CNTNAP5: variants seen among roughly 807,000 people sequenced by gnomAD.
CNTNAP5 encodes the protein contactin associated protein family member 5.
CNTNAP5 carries 72 observed loss-of-function variants against 150.2 expected under a neutral mutation model. The observed-to-expected ratio is 0.48, with a 90% CI of 0.40 to 0.58. The LOEUF (loss-of-function observed/expected upper bound fraction) is 0.58. Ranked by LOEUF, CNTNAP5 falls within the 20% of genes least tolerant of loss-of-function variation. The pLI, the probability that CNTNAP5 is intolerant of heterozygous loss-of-function variation, is 0.00. For missense variants in CNTNAP5, 1,636 were observed against 1,626.2 expected, an observed-to-expected ratio of 1.01 and a Z score of -0.10; for synonymous variants, 672 against 619.8, an observed-to-expected ratio of 1.08 and a Z score of -1.25.
chr2:124,686,634 G>A (rs1679198764), intron 13 of CNTNAP5, among the ~76,000 whole-genome samples: 1 of 152,110 alleles, frequency 6.6e-6, no homozygotes, highest in South Asian at 2.1e-4. Flanking sequence ...CCATCTGACT[G>A]CAGAAGTTTG....
intron 11 of CNTNAP5, among the ~76,000 whole-genome samples, chr2:124,573,601 C>T (rs1011319892): frequency 4.6e-5 from 7 of 152,030 alleles, no homozygotes; most frequent in Non-Finnish European, 8.8e-5. Context: ...CTTTGAATAC[C>T]AAGCAAGAAA....
At chr2:124,212,084 T>C (rs1230707213) in intron 1 of CNTNAP5, among the ~76,000 whole-genome samples, 1 of 152,228 alleles carries the variant, frequency 6.6e-6, no homozygotes, top group African/African-American at 2.4e-5. Context: ...TCTTTACAAA[T>C]TCTTTAGTTG....
At chr2:124,563,161 C>A in intron 10 of CNTNAP5, 56 bp from the exon 11 acceptor site, 1 of 1,201,818 alleles carries the variant, frequency 8.3e-7, no homozygotes, top group Non-Finnish European at 1.2e-6. Context: ...TTTGCTTTCC[C>A]CTTTCTGCCA....
At chr2:124,052,927 T>C (rs559962622) in intron 1 of CNTNAP5, among the ~76,000 whole-genome samples, 1 of 152,260 alleles carries the variant, frequency 6.6e-6, no homozygotes, top group South Asian at 2.1e-4. Flanking sequence ...TATCAACCCC[T>C]CCTTGCCTGG....
intron 13 of CNTNAP5, among the ~76,000 whole-genome samples, chr2:124,671,672 C>T (rs1438283598): frequency 6.6e-6 from 1 of 152,126 alleles, no homozygotes; most frequent in Non-Finnish European, 1.5e-5. Context: ...TGGGGTCTCA[C>T]TCTGTTGCCC....
At chr2:124,768,276 T>A (rs1681110748) in intron 16 of CNTNAP5, among the ~76,000 whole-genome samples, 1 of 28,272 alleles carries the variant, frequency 3.5e-5, no homozygotes, top group South Asian at 3.5e-3. Flanking sequence ...TATGTATGTG[T>A]GTGTGTGTGT....
chr2:124,093,262 C>T (rs572078169), intron 1 of CNTNAP5, among the ~76,000 whole-genome samples: 47 of 152,286 alleles, frequency 3.1e-4, no homozygotes, highest in African/African-American at 1.0e-3. Flanking sequence ...CTTTTCTTAT[C>T]CTCCATGTCC....
At chr2:124,367,307 C>A (rs1690401071) in intron 3 of CNTNAP5, among the ~76,000 whole-genome samples, 1 of 152,112 alleles carries the variant, frequency 6.6e-6, no homozygotes, top group African/African-American at 2.4e-5. Flanking sequence ...GTTTAATTGA[C>A]TCAAAGTTCT....
intron 7 of CNTNAP5, among the ~76,000 whole-genome samples, chr2:124,487,052 A>G (rs1573407168): frequency 6.6e-6 from 1 of 152,250 alleles, no homozygotes; most frequent in East Asian, 1.9e-4. Context: ...CGTTTGTCTA[A>G]TACCTTAGTT....
At chr2:124,745,106 C>G (rs1026939577) in intron 13 of CNTNAP5, among the ~76,000 whole-genome samples, 1 of 152,120 alleles carries the variant, frequency 6.6e-6, no homozygotes, top group African/African-American at 2.4e-5. Context: ...AAGAGTTGGG[C>G]TGCTAATGGA....
At chr2:124,647,696 A>T in intron 12 of CNTNAP5, 62 bp from the exon 13 acceptor site, 1 of 1,476,026 alleles carries the variant, frequency 6.8e-7, no homozygotes, top group Non-Finnish European at 9.1e-7. Flanking sequence ...CACACTGCTC[A>T]CATGCTCCAT....
intron 1 of CNTNAP5, among the ~76,000 whole-genome samples, chr2:124,059,424 T>C (rs1034115750): frequency 3.3e-5 from 5 of 152,172 alleles, no homozygotes; most frequent in Non-Finnish European, 7.3e-5. Context: ...GAAAACTAAA[T>C]GCTGAATGGG....
At chr2:124,792,471 C>T (rs943970234) in intron 18 of CNTNAP5, among the ~76,000 whole-genome samples, 5 of 152,110 alleles carry the variant, frequency 3.3e-5, no homozygotes, top group African/African-American at 1.2e-4. Flanking sequence ...AGGATTCCAT[C>T]GTTTCAAATA....
In CNTNAP5 at chr2:124,772,900, C is replaced by T. The variant is rs773503987; in HGVS notation, c.2635C>T (p.Arg879Trp). The change falls in exon 17 of 24, where the codon CGG becomes TGG. Residue 879 changes from arginine to tryptophan, a missense_variant. Coordinates refer to ENST00000682447, the MANE Select transcript of CNTNAP5 (RefSeq NM_001367498.1). ...GAATGACAACCAATGGCACTATGTC[C>T]GGGCTGAGAGGAACCTCAAGGAGAC... ...LLNDNQWHYV[R>W]AERNLKETSL... 12 of 1,613,360 alleles carry T rather than the reference C, an allele frequency of 7.4e-6. No individual in the cohort carries two copies. The highest frequency in any genetic ancestry group is 1.6e-4 in the Middle Eastern group (1 of 6,074).
intron 12 of CNTNAP5, among the ~76,000 whole-genome samples, chr2:124,619,401 C>T (rs1461341439): frequency 6.6e-6 from 1 of 152,094 alleles, no homozygotes; most frequent in Non-Finnish European, 1.5e-5. Context: ...CCGTGAACAC[C>T]TGAGGTGGCT....
intron 3 of CNTNAP5, among the ~76,000 whole-genome samples, chr2:124,403,973 AC>A (rs1319005258): frequency 6.6e-6 from 1 of 151,812 alleles, no homozygotes; most frequent in Non-Finnish European, 1.5e-5. Flanking sequence ...AAAAAAACCC[AC>A]CCCCGTGATT....
At chr2:124,532,714 C>T (rs1055499998) in intron 10 of CNTNAP5, among the ~76,000 whole-genome samples, 1 of 152,162 alleles carries the variant, frequency 6.6e-6, no homozygotes, top group Non-Finnish European at 1.5e-5. Flanking sequence ...ATGTGACACA[C>T]ATTATTTAAA....
chr2:124,123,767 T>C (rs1320006257), intron 1 of CNTNAP5, among the ~76,000 whole-genome samples: 1 of 152,142 alleles, frequency 6.6e-6, no homozygotes, highest in African/African-American at 2.4e-5. Flanking sequence ...TTCTGCAGCC[T>C]CCGCTAGTGA....
At chr2:124,321,174 G>A (rs111756574) in intron 3 of CNTNAP5, among the ~76,000 whole-genome samples, 15 of 152,270 alleles carry the variant, frequency 9.9e-5, no homozygotes, top group Admixed American at 5.9e-4. Flanking sequence ...ATGGCTGGGC[G>A]CGGTGGCCTG....
Sources: gnomAD v4.1 joint callset for allele counts (sites outside exome capture counted in the v4.1 genomes callset) on GRCh38, gnomAD v4.1.1 for gene constraint, MANE v1.5 for transcripts, NCBI Gene and HGNC (gene_info 2026-07-23, HGNC 2026-07-21) for gene names.